Variants in GLIS1 observed in about 807,000 individuals in gnomAD.
GLIS1 encodes the protein zinc finger protein GLIS1.
Under a neutral mutation model 63.8 loss-of-function variants are expected in GLIS1, and 24 were observed. The ratio of observed to expected loss-of-function variants is 0.38; its 90% confidence interval spans 0.27 to 0.53. The LOEUF (loss-of-function observed/expected upper bound fraction) is 0.53, where lower values mean the gene tolerates loss of function less well. Ranked by LOEUF, GLIS1 falls within the 20% of genes least tolerant of loss-of-function variation. The pLI is 0.85. For synonymous variants in GLIS1, 450 were observed against 482.5 expected (o/e 0.93, Z 0.88); for missense variants, 1,036 against 1,074.1 (o/e 0.96, Z 0.50).
rs534720372 is a variant in GLIS1, at chr1:53,623,549, A to G, written c.260-23271T>C. On this transcript the variant is annotated intron_variant, in intron 2 of 10. Transcript: ENST00000628545. Reference sequence around the variant, plus strand: ...TTAGATGTCTTAGCTAGTGCAGTTCAGTAAGAAAGGAAAAAAGCATGAAGA... The same window carrying G: ...TTAGATGTCTTAGCTAGTGCAGTTCGGTAAGAAAGGAAAAAAGCATGAAGA... 5.9e-5 allele frequency among the ~76,000 whole-genome samples: 9 copies of G among 152,334 alleles called. 1 individual carries two copies. In the South Asian group the frequency reaches 1.5e-3, roughly 25 times the overall value.
chr1:53,579,694 G>T (rs116766143), intron 4 of GLIS1, among the ~76,000 whole-genome samples: 16 of 152,340 alleles, frequency 1.1e-4, no homozygotes, highest in African/African-American at 2.4e-4. Context: ...TGTGCTTGCC[G>T]CGGGGGCAGC....
At chr1:53,641,296 C>T (rs972514900) in intron 2 of GLIS1, among the ~76,000 whole-genome samples, 2 of 152,158 alleles carry the variant, frequency 1.3e-5, no homozygotes, top group African/African-American at 2.4e-5. Flanking sequence ...GATAACAACA[C>T]CTGCCTCATA....
intron 2 of GLIS1, among the ~76,000 whole-genome samples, chr1:53,630,605 C>G (rs1376823329): frequency 2.0e-5 from 3 of 152,190 alleles, no homozygotes; most frequent in African/African-American, 7.2e-5. Context: ...AAGCAATTCT[C>G]CTGCCTCAGC....
chr1:53,733,799 T>C (rs1174477211), intron 2 of GLIS1: 1 of 554,460 alleles, frequency 1.8e-6, no homozygotes, highest in Admixed American at 6.4e-5. Context: ...AAAATTTGGA[T>C]CTGATTATTT....
intron 5 of GLIS1, 100 bp from the exon 6 acceptor site, chr1:53,524,987 G>T: frequency 1.1e-6 from 1 of 874,340 alleles, no homozygotes; most frequent in Non-Finnish European, 1.8e-6. Context: ...GCGAGAGGCT[G>T]GCTGCAGGCC....
chr1:53,730,442 C>T (rs1178890639), intron 2 of GLIS1, among the ~76,000 whole-genome samples: 2 of 152,160 alleles, frequency 1.3e-5, no homozygotes, highest in East Asian at 1.9e-4. Flanking sequence ...TCCAGTCCTC[C>T]GGAGAGCTTA....
At chr1:53,735,838 A>G (rs924679749) in intron 2 of GLIS1, among the ~76,000 whole-genome samples, 1 of 152,112 alleles carries the variant, frequency 6.6e-6, no homozygotes, top group African/African-American at 2.4e-5. Flanking sequence ...ACTGGGGGAA[A>G]GCTGGGTTTG....
intron 2 of GLIS1, among the ~76,000 whole-genome samples, chr1:53,733,150 T>C (rs1389404301): frequency 6.6e-6 from 1 of 152,128 alleles, no homozygotes; most frequent in Non-Finnish European, 1.5e-5. Context: ...CATAAGAATA[T>C]ATTTTTTTAA....
chr1:53,654,907 C>T (rs1278023767), intron 2 of GLIS1, among the ~76,000 whole-genome samples: 1 of 152,166 alleles, frequency 6.6e-6, no homozygotes, highest in Admixed American at 6.5e-5. Flanking sequence ...CGAAGGCAGT[C>T]TCTGAAGAGG....
At chr1:53,732,231 G>A (rs995156088) in intron 2 of GLIS1, among the ~76,000 whole-genome samples, 9 of 152,320 alleles carry the variant, frequency 5.9e-5, no homozygotes, top group African/African-American at 1.9e-4. Context: ...GAGTTTAAGG[G>A]GGAAAAAGGG....
chr1:53,704,097 C>G (rs1646551858), intron 2 of GLIS1, among the ~76,000 whole-genome samples: 1 of 152,242 alleles, frequency 6.6e-6, no homozygotes, highest in African/African-American at 2.4e-5. Context: ...ACAAACAACC[C>G]TTCTCCCTCA....
intron 2 of GLIS1, among the ~76,000 whole-genome samples, chr1:53,626,769 G>A (rs2948057): frequency 0.97 from 147,833 of 152,294 alleles, 71,896 homozygotes; most frequent in South Asian, 1. Context: ...CTGCTCCTCC[G>A]AGGTGCAGAC....
chr1:53,584,784 A>T (rs540908053), intron 4 of GLIS1, among the ~76,000 whole-genome samples: 1 of 152,308 alleles, frequency 6.6e-6, no homozygotes, highest in African/African-American at 2.4e-5. Context: ...CCCATTTAAC[A>T]GACGAGAACA....
At chr1:53,673,434 C>A (rs764574930) in intron 2 of GLIS1, among the ~76,000 whole-genome samples, 1 of 152,176 alleles carries the variant, frequency 6.6e-6, no homozygotes, top group Non-Finnish European at 1.5e-5. Flanking sequence ...GTAGGGGAAC[C>A]GTGGTTTCAA....
chr1:53,551,286 CAT>C (rs1370509773), intron 4 of GLIS1, among the ~76,000 whole-genome samples: 1 of 152,252 alleles, frequency 6.6e-6, no homozygotes, highest in East Asian at 1.9e-4. Context: ...AAATTTCTAA[CAT>C]ATGATTATGC....
At chr1:53,685,208 C>G (rs145731459) in intron 2 of GLIS1, among the ~76,000 whole-genome samples, 73 of 152,292 alleles carry the variant, frequency 4.8e-4, no homozygotes, top group Non-Finnish European at 9.1e-4. Flanking sequence ...AGGAGCACTC[C>G]CCATCCAGAG....
At chr1:53,638,558 C>A (rs906906226) in intron 2 of GLIS1, among the ~76,000 whole-genome samples, 1 of 152,334 alleles carries the variant, frequency 6.6e-6, no homozygotes, top group South Asian at 2.1e-4. Context: ...CCCACTGCCA[C>A]CCAATCCCAA....
intron 4 of GLIS1, among the ~76,000 whole-genome samples, chr1:53,583,361 G>A (rs1207685981): frequency 6.6e-6 from 1 of 152,184 alleles, no homozygotes; most frequent in East Asian, 1.9e-4. Context: ...AAACACTATG[G>A]CTTGGGGATC....
At chr1:53,525,068 G>A (rs906956242) in intron 5 of GLIS1, among the ~76,000 whole-genome samples, 181 bp from the exon 6 acceptor site, 1 of 152,178 alleles carries the variant, frequency 6.6e-6, no homozygotes, top group African/African-American at 2.4e-5. Flanking sequence ...GGAGCAAGGG[G>A]TTTGTGTCTT....
Sources: allele counts gnomAD v4.1 joint callset (sites outside exome capture counted in the v4.1 genomes callset), GRCh38; gene constraint gnomAD v4.1.1; transcripts MANE v1.5; gene names NCBI Gene and HGNC (gene_info 2026-07-23, HGNC 2026-07-21).